POLDIP3: variants seen among roughly 807,000 people sequenced by gnomAD.
The protein encoded by POLDIP3 is polymerase delta-interacting protein 3.
Under a neutral mutation model 45.1 loss-of-function variants are expected in POLDIP3, and 14 were observed. The ratio of observed to expected loss-of-function variants is 0.31; its 90% CI spans 0.20 to 0.49. The LOEUF (loss-of-function observed/expected upper bound fraction) is 0.49, where lower values mean the gene tolerates loss of function less well. Among genes scored for constraint, POLDIP3 ranks in the 20% least tolerant of loss-of-function variants. The pLI is 0.99. For missense variants in POLDIP3, 511 were observed against 538.8 expected (o/e 0.95, Z 0.51); for synonymous variants, 223 against 205.2 (o/e 1.09, Z -0.74).
At chr22:42,588,815 A>G (rs1159453132) in intron 7 of POLDIP3, among the ~76,000 whole-genome samples, 2 of 152,086 alleles carry the variant, frequency 1.3e-5, no homozygotes, top group South Asian at 2.1e-4. Flanking sequence ...TTTAGTAGAG[A>G]TGGGGTTTCC....
intron 7 of POLDIP3, 93 bp from the exon 8 acceptor site, chr22:42,587,665 A>G: frequency 1.6e-6 from 2 of 1,215,648 alleles, no homozygotes; most frequent in Non-Finnish European, 2.4e-6. Context: ...CAATGGTCAA[A>G]GCACCCACCA....
chr22:42,610,385 A>G (rs1267207981), intron 1 of POLDIP3, among the ~76,000 whole-genome samples: 2 of 152,178 alleles, frequency 1.3e-5, no homozygotes, highest in African/African-American at 2.4e-5. Flanking sequence ...CAAAGTTTAC[A>G]ATCCACCCTG....
intron 2 of POLDIP3, 95 bp downstream of exon 2, chr22:42,602,675 G>A: frequency 2.9e-6 from 4 of 1,370,378 alleles, no homozygotes; most frequent in Non-Finnish European, 4.0e-6. Context: ...CACTTGAGAG[G>A]ATAGTATTTT....
At chr22:42,595,416 G>C (rs1384117047) in intron 6 of POLDIP3, 121 bp downstream of exon 6, 9 of 857,754 alleles carry the variant, frequency 1.0e-5, no homozygotes, top group Non-Finnish European at 1.6e-5. Context: ...TCAGCCCTGA[G>C]CGTGACTATA....
At chr22:42,596,437 C>A in intron 4 of POLDIP3, 72 bp from the exon 5 acceptor site, 1 of 1,454,680 alleles carries the variant, frequency 6.9e-7, no homozygotes. Context: ...AAGAGGTTGA[C>A]AACTTGCTGA....
intron 1 of POLDIP3, among the ~76,000 whole-genome samples, chr22:42,608,286 G>C (rs34395521): frequency 3.1e-3 from 411 of 132,316 alleles, no homozygotes; most frequent in Non-Finnish European, 4.8e-3. Flanking sequence ...AGCTGCAAGT[G>C]ATGATGCACA....
At chr22:42,599,994 T>C (rs1926249791) in intron 3 of POLDIP3, among the ~76,000 whole-genome samples, 1 of 152,088 alleles carries the variant, frequency 6.6e-6, no homozygotes, top group Non-Finnish European at 1.5e-5. Flanking sequence ...CCAGTGAAAG[T>C]CCTACAACTT....
chr22:42,595,387 C>T (rs1925922211), intron 6 of POLDIP3, 150 bp downstream of exon 6: 1 of 698,128 alleles, frequency 1.4e-6, no homozygotes, highest in Admixed American at 2.4e-5. Context: ...TGCTCTGCAT[C>T]CTTTTGCTGT....
chr22:42,591,805 A>G, intron 7 of POLDIP3, 150 bp downstream of exon 7: 2 of 1,025,758 alleles, frequency 1.9e-6, no homozygotes, highest in African/African-American at 1.6e-5. Flanking sequence ...GCTCAGGACT[A>G]CTCAGAGACT....
intron 6 of POLDIP3, among the ~76,000 whole-genome samples, 193 bp downstream of exon 6, chr22:42,595,344 T>C (rs975224720): frequency 2.0e-5 from 3 of 149,622 alleles, no homozygotes; most frequent in Non-Finnish European, 4.4e-5. Flanking sequence ...GGCTTGTGCC[T>C]CGTTTCCCCC....
In POLDIP3 at chr22:42,606,505, T is replaced by C. The variant is rs1926737956; in HGVS notation, c.60-3345A>G. On this transcript the variant is annotated intron_variant, in intron 1 of 8. Transcript: ENST00000252115. ...AGAAAATTATCTGGGCATGGCAGCATGAGTCTACTCCACAGGCTGAAGCAG... is the reference window on the plus strand; with the variant it reads ...AGAAAATTATCTGGGCATGGCAGCACGAGTCTACTCCACAGGCTGAAGCAG... Among the ~76,000 whole-genome samples, 3 of 152,282 alleles carry C rather than the reference T, an allele frequency of 2.0e-5. No individual in the cohort carries two copies. The South Asian group carries it at 6.2e-4, about 32-fold the overall frequency.
At chr22:42,595,483 C>T (rs1055242034) in intron 6 of POLDIP3, 54 bp downstream of exon 6, 2 of 1,543,404 alleles carry the variant, frequency 1.3e-6, no homozygotes, top group African/African-American at 2.7e-5. Flanking sequence ...CTTAAGAGAC[C>T]TTTGCCACAG....
intron 8 of POLDIP3, among the ~76,000 whole-genome samples, chr22:42,586,686 C>G (rs1468180856): frequency 3.3e-5 from 5 of 152,154 alleles, no homozygotes; most frequent in Non-Finnish European, 7.3e-5. Flanking sequence ...AGAACTTATC[C>G]AAATCACATA....
chr22:42,586,864 C>G (rs1258387656), intron 8 of POLDIP3, among the ~76,000 whole-genome samples: 1 of 152,158 alleles, frequency 6.6e-6, no homozygotes, highest in Non-Finnish European at 1.5e-5. Flanking sequence ...GCATCTCAGG[C>G]TTCAAAACAT....
chr22:42,601,374 A>G (rs2146821697), intron 3 of POLDIP3, among the ~76,000 whole-genome samples: 1 of 151,708 alleles, frequency 6.6e-6, no homozygotes. Flanking sequence ...AAACAAAACA[A>G]AAGACAAAAA....
intron 7 of POLDIP3, among the ~76,000 whole-genome samples, chr22:42,590,616 A>G (rs931706016): frequency 6.6e-6 from 1 of 152,232 alleles, no homozygotes; most frequent in African/African-American, 2.4e-5. Flanking sequence ...TGTTAACCAA[A>G]AAGTCCTTAT....
intron 1 of POLDIP3, among the ~76,000 whole-genome samples, chr22:42,607,082 T>A (rs559725258): frequency 1.3e-5 from 2 of 152,256 alleles, no homozygotes; most frequent in East Asian, 3.9e-4. Context: ...CTGGGCAACA[T>A]GGCAAAACCC....
intron 4 of POLDIP3, chr22:42,597,525 T>C: frequency 3.2e-6 from 1 of 314,056 alleles, no homozygotes; most frequent in South Asian, 2.7e-5. Context: ...AGCTGGGTGA[T>C]GTTGAACAGG....
chr22:42,605,482 G>A (rs994148467), intron 1 of POLDIP3, among the ~76,000 whole-genome samples: 12 of 152,186 alleles, frequency 7.9e-5, no homozygotes, highest in African/African-American at 2.7e-4. Context: ...TAGCCTAAAC[G>A]GACTAAAACA....
Sources: allele counts gnomAD v4.1 joint callset (sites outside exome capture counted in the v4.1 genomes callset), GRCh38; gene constraint gnomAD v4.1.1; transcripts MANE v1.5; gene names NCBI Gene and HGNC (gene_info 2026-07-23, HGNC 2026-07-21).